Variants in EHHADH observed in about 807,000 individuals in gnomAD.
The protein encoded by EHHADH is peroxisomal bifunctional enzyme.
A neutral mutation model predicts 64.4 loss-of-function variants in EHHADH; 48 were observed. That is an observed-to-expected ratio of 0.75 (90% confidence interval 0.59 to 0.95). The LOEUF (loss-of-function observed/expected upper bound fraction) is 0.95. EHHADH is among the 40% of genes least tolerant of loss of function. EHHADH has a pLI of 0.00. For missense variants in EHHADH, 854 were observed against 876.6 expected, an observed-to-expected ratio of 0.97 and a Z score of 0.33; for synonymous variants, 308 against 326.7, an observed-to-expected ratio of 0.94 and a Z score of 0.62.
rs1401743770 is a variant in EHHADH at position 185,192,222 on chromosome 3, T to C, written c.*4A>G. On this transcript the variant is annotated 3_prime_UTR_variant, in exon 7 of 7. Coordinates refer to ENST00000231887, the MANE Select transcript of EHHADH (RefSeq NM_001966.4). ...GCATGTGAGGCATAATCTGGAAGAC[T>C]GAATCACAATTTACTGCTAGGGGAG... 18 of 1,609,242 alleles carry C rather than the reference T, an allele frequency of 1.1e-5. No homozygotes were observed. The highest frequency in any genetic ancestry group is 1.5e-5 in the Non-Finnish European group (18 of 1,177,710).
rs137898861 is a variant in EHHADH, at chr3:185,222,789, C to T, written c.464-4549G>A. On this transcript the variant is annotated intron_variant, in intron 4 of 6. Coordinates refer to ENST00000231887, the MANE Select transcript of EHHADH (RefSeq NM_001966.4). ...GTCCCTGGACCACACTTTAAGAACC[C>T]TGAGATTTAGATCATCATTCTTCAT... 6.5e-4 allele frequency among the ~76,000 whole-genome samples: 99 copies of T among 152,304 alleles called. No individual in the cohort carries two copies. The East Asian group carries it at 0.018, about 28-fold the overall frequency.
rs1220164989 is a variant in EHHADH, at chr3:185,191,610, G to A, written c.*616C>T. The A allele has an allele frequency of 6.6e-6, 1 of 152,194 alleles. No homozygotes were observed. Among genetic ancestry groups the A allele is most frequent in the Non-Finnish European group, 1.5e-5 (1 of 68,070 alleles). 9.4% of individuals were successfully genotyped at this position (152,194 alleles called of 1,614,324 possible). A position where few individuals can be genotyped will look rare whatever the true frequency, so the allele number is the denominator to read the frequency against. ...TCTATCACAGAATTGGGAAATCCTA[G>A]AAGGTTAGATGTTCTCTAAGACCCT... On this transcript the variant is annotated 3_prime_UTR_variant, in exon 7 of 7. Coordinates refer to ENST00000231887, the MANE Select transcript of EHHADH (RefSeq NM_001966.4).
At chr3:185,198,469 C>T (rs1326594849) in intron 6 of EHHADH, among the ~76,000 whole-genome samples, 1 of 151,896 alleles carries the variant, frequency 6.6e-6, no homozygotes, top group Non-Finnish European at 1.5e-5. Flanking sequence ...GATCCACCCA[C>T]CTTGGCCCTA....
intron 3 of EHHADH, among the ~76,000 whole-genome samples, chr3:185,229,881 A>C (rs1719106801): frequency 2.0e-5 from 3 of 152,216 alleles, no homozygotes; most frequent in Admixed American, 1.3e-4. Context: ...GTGAAAAGAC[A>C]ACCCACAGAA....
chr3:185,214,867 A>T (rs1324506476), intron 5 of EHHADH, among the ~76,000 whole-genome samples: 1 of 152,228 alleles, frequency 6.6e-6, no homozygotes, highest in African/African-American at 2.4e-5. Context: ...AGCTTTAGTG[A>T]GTATTACTGT....
At position 185,192,545 on chromosome 3, in the gene EHHADH, T is replaced by A; in HGVS notation, c.1853A>T (p.Glu618Val). ...HIEPRTISQD[E>V]ILERCLYSLI... ...TGAATATAAGCAGCGTTCAAGGATC[T>A]CATCCTGGCTAATGGTACGTGGTTC... is the stretch of plus-strand genomic sequence containing the variant. The change falls in exon 7 of 7, where the codon GAG becomes GTG. Residue 618 changes from glutamate (E) to valine (V), a missense_variant. Transcript: ENST00000231887. The A allele has an allele frequency of 6.2e-7, 1 of 1,614,212 alleles. No individual in the cohort carries two copies. The highest frequency in any genetic ancestry group is 8.5e-7 in the Non-Finnish European group (1 of 1,180,030).
intron 5 of EHHADH, among the ~76,000 whole-genome samples, chr3:185,210,715 G>T (rs1002336938): frequency 6.6e-6 from 1 of 151,944 alleles, no homozygotes; most frequent in Non-Finnish European, 1.5e-5. Flanking sequence ...TGATTTTAAG[G>T]TATAGCCTCT....
At chr3:185,213,483 T>C (rs1279751448) in intron 5 of EHHADH, among the ~76,000 whole-genome samples, 1 of 152,216 alleles carries the variant, frequency 6.6e-6, no homozygotes, top group African/African-American at 2.4e-5. Flanking sequence ...AATAAATGCA[T>C]ATATATTTAA....
chr3:185,218,027 A>T (rs1718737811), intron 5 of EHHADH, 109 bp downstream of exon 5: 2 of 623,826 alleles, frequency 3.2e-6, no homozygotes, highest in Admixed American at 5.7e-5. Context: ...GGACTCCCAG[A>T]GTGCTGGGAT....
intron 1 of EHHADH, among the ~76,000 whole-genome samples, chr3:185,252,197 T>C (rs949489553): frequency 3.9e-5 from 6 of 151,992 alleles, no homozygotes; most frequent in Non-Finnish European, 7.4e-5. Context: ...GTCAGGAGAT[T>C]GAGACCATCC....
chr3:185,208,279 C>G (rs1239745004), intron 5 of EHHADH, among the ~76,000 whole-genome samples: 1 of 152,188 alleles, frequency 6.6e-6, no homozygotes, highest in East Asian at 1.9e-4. Context: ...TACCAACAAC[C>G]GCTTGAGTGA....
intron 5 of EHHADH, among the ~76,000 whole-genome samples, chr3:185,206,990 T>G (rs1183168656): frequency 6.6e-6 from 1 of 151,192 alleles, no homozygotes; most frequent in African/African-American, 2.4e-5. Context: ...TAGGTGAGAG[T>G]AAGATTAAAG....
chr3:185,235,219 T>C (rs1318639656), intron 3 of EHHADH, 71 bp downstream of exon 3: 7 of 1,377,576 alleles, frequency 5.1e-6, no homozygotes, highest in East Asian at 2.5e-5. Context: ...CTGATACTTA[T>C]GACTACATTT....
intron 3 of EHHADH, among the ~76,000 whole-genome samples, chr3:185,233,621 A>G (rs1214250466): frequency 6.6e-6 from 1 of 152,168 alleles, no homozygotes. Context: ...TAAACTAAAT[A>G]CAAAAAAAGC....
intron 5 of EHHADH, among the ~76,000 whole-genome samples, chr3:185,209,717 A>G (rs1266390030): frequency 6.6e-6 from 1 of 152,226 alleles, no homozygotes; most frequent in African/African-American, 2.4e-5. Context: ...TTTTTAAATC[A>G]AAGAGACAAG....
At chr3:185,228,678 C>CA (rs1210156863) in intron 4 of EHHADH, among the ~76,000 whole-genome samples, 10 of 150,312 alleles carry the variant, frequency 6.7e-5, no homozygotes, top group Non-Finnish European at 5.9e-5. Flanking sequence ...AACTCCGTCT[C>CA]AAAAAAAAGA....
At chr3:185,238,300 T>C (rs974848443) in intron 2 of EHHADH, among the ~76,000 whole-genome samples, 1 of 152,222 alleles carries the variant, frequency 6.6e-6, no homozygotes, top group Non-Finnish European at 1.5e-5. Flanking sequence ...GGTCAAATGA[T>C]AGCTCTGTTT....
chr3:185,233,882 G>A (rs1719210445), intron 3 of EHHADH, among the ~76,000 whole-genome samples: 1 of 152,136 alleles, frequency 6.6e-6, no homozygotes, highest in Non-Finnish European at 1.5e-5. Flanking sequence ...CTGACTTTGT[G>A]ATCTGCCTGC....
At chr3:185,197,302 G>A (rs908245388) in intron 6 of EHHADH, among the ~76,000 whole-genome samples, 7 of 152,112 alleles carry the variant, frequency 4.6e-5, no homozygotes, top group Non-Finnish European at 1.0e-4. Flanking sequence ...TTTAAAAATT[G>A]TGGCAAAATA....
Sources: allele counts gnomAD v4.1 joint callset (sites outside exome capture counted in the v4.1 genomes callset), GRCh38; gene constraint gnomAD v4.1.1; transcripts MANE v1.5; gene names NCBI Gene and HGNC (gene_info 2026-07-23, HGNC 2026-07-21).